NLRP7: variants seen among roughly 807,000 people sequenced by gnomAD.
NLRP7 encodes the protein NLR family pyrin domain containing 7, also known as NACHT, LRR and PYD domains-containing protein 7.
Under a neutral mutation model 85.5 loss-of-function variants are expected in NLRP7, and 72 were observed. The observed-to-expected ratio is 0.84, with a 90% confidence interval of 0.70 to 1.02. The LOEUF is 1.02. Ranked by LOEUF, NLRP7 falls within the 50% of genes least tolerant of loss-of-function variation. The probability of loss-of-function intolerance (pLI) is 0.00; values close to 1 mark genes in which losing one functional copy is unlikely to be tolerated. For synonymous variants in NLRP7, 550 were observed against 505.2 expected, an observed-to-expected ratio of 1.09 and a Z score of -1.19; for missense variants, 1,243 against 1,219.5, an observed-to-expected ratio of 1.02 and a Z score of -0.29.
In NLRP7 at chr19:54,923,892, C is replaced by CAA. The variant is rs773892068; in HGVS notation, c.2811-22_2811-21dup. 5.0e-6 allele frequency: 8 copies of CAA among 1,609,398 alleles called. No individual in the cohort carries two copies. In the African/African-American group the frequency reaches 1.1e-4, roughly 22 times the overall value. Reference sequence around the variant, plus strand: ...TTCAACCTGGAGGGATCAGAGAACACAAATGTTCCCAGAAATTCATTCTCA... The same window carrying CAA: ...TTCAACCTGGAGGGATCAGAGAACACAAAAATGTTCCCAGAAATTCATTCTCA... On this transcript the variant is annotated intron_variant, in intron 9 of 9. Transcript: ENST00000340844.
chr19:54,926,227 T>TGTGTGTGC (rs372128868), intron 9 of NLRP7, among the ~76,000 whole-genome samples: 151 of 150,822 alleles, frequency 1.0e-3, no homozygotes, highest in East Asian at 5.6e-3. Context: ...TGTGTGTGTG[T>TGTGTGTGC]GCTCATGCAC....
exon 4 of NLRP7, chr19:54,940,364 A>C: frequency 9.9e-6 from 16 of 1,614,002 alleles, no homozygotes; most frequent in Non-Finnish European, 1.4e-5. Context: ...TTGGTTTCTC[A>C]GAGTGACGTC....
chr19:54,951,700 G>A (rs776947963), upstream of NLRP7, among the ~76,000 whole-genome samples: 42 of 151,942 alleles, frequency 2.8e-4, 1 homozygote, highest in Non-Finnish European at 8.8e-5. Flanking sequence ...CTGCACTTTT[G>A]CCTCCTCATC....
intron 4 of NLRP7, 91 bp downstream of exon 4, chr19:54,938,797 C>G: frequency 1.1e-5 from 16 of 1,418,962 alleles, no homozygotes; most frequent in Non-Finnish European, 1.6e-5. Context: ...GAAAGAAGTC[C>G]AGCCAGAGGG....
chr19:54,958,449 G>A (rs2069928436), intron 1 of NLRP7, among the ~76,000 whole-genome samples: 1 of 150,518 alleles, frequency 6.6e-6, no homozygotes, highest in Non-Finnish European at 1.5e-5. Flanking sequence ...AGACCAGCCT[G>A]GCCAACATGG....
chr19:54,963,230 C>T (rs892890942), intron 1 of NLRP7, among the ~76,000 whole-genome samples: 4 of 151,676 alleles, frequency 2.6e-5, no homozygotes, highest in African/African-American at 9.7e-5. Flanking sequence ...ACCTCCATCT[C>T]TATAAAAAAT....
At chr19:54,936,160 CTGGG>C in intron 6 of NLRP7, 97 bp downstream of exon 6, 1 of 1,017,142 alleles carries the variant, frequency 9.8e-7, no homozygotes, top group Middle Eastern at 3.0e-4. Flanking sequence ...CATTCCCTGT[CTGGG>C]ACGGCATCTG....
chr19:54,938,910 C>T (rs1216111167), exon 4 of NLRP7: 1 of 1,614,186 alleles, frequency 6.2e-7, no homozygotes, highest in Non-Finnish European at 8.5e-7. Flanking sequence ...ATGTCCAGTT[C>T]AAAATCCATG....
chr19:54,940,044 T>C, exon 4 of NLRP7: 1 of 1,614,190 alleles, frequency 6.2e-7, no homozygotes, highest in East Asian at 2.2e-5. Context: ...GGTGGGACTT[T>C]CAGCTCATCA....
intron 9 of NLRP7, among the ~76,000 whole-genome samples, chr19:54,926,231 C>T (rs2068435080): frequency 1.2e-5 from 1 of 86,084 alleles, no homozygotes; most frequent in African/African-American, 3.7e-5. Context: ...TGTGTGTGCT[C>T]ATGCACACAC....
intron 1 of NLRP7, among the ~76,000 whole-genome samples, chr19:54,964,171 G>T (rs906446340): frequency 6.9e-6 from 1 of 144,216 alleles, no homozygotes; most frequent in South Asian, 2.2e-4. Context: ...GAGCCACCGC[G>T]CCCGGCCAAA....
At chr19:54,930,920 G>C (rs1253450685) in intron 8 of NLRP7, among the ~76,000 whole-genome samples, 1 of 152,096 alleles carries the variant, frequency 6.6e-6, no homozygotes, top group Non-Finnish European at 1.5e-5. Context: ...CTACTCAGAA[G>C]ACTGAGGCAG....
chr19:54,944,260 G>A (rs777386153), intron 1 of NLRP7, among the ~76,000 whole-genome samples: 11 of 151,104 alleles, frequency 7.3e-5, no homozygotes, highest in African/African-American at 9.8e-5. Context: ...TGTAAAACCC[G>A]ATGGTATGTT....
chr19:54,939,364 C>T (rs1374408081), exon 4 of NLRP7: 3 of 1,613,982 alleles, frequency 1.9e-6, no homozygotes, highest in Non-Finnish European at 2.5e-6. Flanking sequence ...CCTCCCCCTC[C>T]TCCTTCTCCA....
intron 1 of NLRP7, 79 bp from the exon 2 acceptor site, chr19:54,941,829 G>T: frequency 9.5e-7 from 1 of 1,051,578 alleles, no homozygotes. Context: ...CCAAGAACAA[G>T]ACTGTTCCTG....
At chr19:54,947,620 C>T (rs1481735325), upstream of NLRP7, 6 of 1,289,630 alleles carry the variant, frequency 4.7e-6, no homozygotes, top group Non-Finnish European at 5.1e-6. Context: ...TGGGTGGCTC[C>T]CAACCACTGA....
chr19:54,940,129 G>A (rs1303297738), exon 4 of NLRP7: 1 of 1,614,220 alleles, frequency 6.2e-7, no homozygotes, highest in East Asian at 2.2e-5. Flanking sequence ...ATTCAGGCCA[G>A]TCTTTGGAGA....
exon 4 of NLRP7, chr19:54,940,350 A>T: frequency 6.2e-7 from 1 of 1,614,166 alleles, no homozygotes; most frequent in Non-Finnish European, 8.5e-7. Flanking sequence ...AATGGAATGA[A>T]CCGTTGGTTT....
At chr19:54,948,853 A>C (rs962360113), upstream of NLRP7, 1 of 157,008 alleles carries the variant, frequency 6.4e-6, no homozygotes, top group South Asian at 1.9e-4. Context: ...ATTGTTTTTA[A>C]ATAAAACAGT....
Sources: allele counts gnomAD v4.1 joint callset (sites outside exome capture counted in the v4.1 genomes callset), GRCh38; gene constraint gnomAD v4.1.1; transcripts MANE v1.5; gene names NCBI Gene and HGNC (gene_info 2026-07-23, HGNC 2026-07-21).